MOB3B: variants seen among roughly 807,000 people sequenced by gnomAD.
The protein encoded by MOB3B is MOB kinase activator 3B.
Under a neutral mutation model 18.7 loss-of-function variants are expected in MOB3B, and 7 were observed. The ratio of observed to expected loss-of-function variants is 0.37; its 90% CI spans 0.21 to 0.70. MOB3B has a LOEUF of 0.70. MOB3B is among the 30% of genes least tolerant of loss of function. The probability of loss-of-function intolerance (pLI) is 0.52; values close to 1 mark genes in which losing one functional copy is unlikely to be tolerated. For missense variants in MOB3B, 253 were observed against 281.3 expected (o/e 0.90, Z 0.72); for synonymous variants, 111 against 99.9 (o/e 1.11, Z -0.66).
chr9:27,360,492 G>A (rs1821259410), intron 2 of MOB3B, among the ~76,000 whole-genome samples: 1 of 152,202 alleles, frequency 6.6e-6, no homozygotes, highest in Non-Finnish European at 1.5e-5. Context: ...GCGACAGAGT[G>A]AGACTCCGTC....
At chr9:27,373,974 G>A (rs1282537833) in intron 2 of MOB3B, among the ~76,000 whole-genome samples, 1 of 152,234 alleles carries the variant, frequency 6.6e-6, no homozygotes, top group Non-Finnish European at 1.5e-5. Flanking sequence ...GCCAATCACA[G>A]TAGCTGAACC....
chr9:27,524,700 G>T, intron 1 of MOB3B: 1 of 1,614,028 alleles, frequency 6.2e-7, no homozygotes, highest in Non-Finnish European at 8.5e-7. Flanking sequence ...TGATCAGCAA[G>T]CAGAGTACCT....
intron 1 of MOB3B, among the ~76,000 whole-genome samples, chr9:27,467,493 C>T (rs1819402971): frequency 6.6e-6 from 1 of 152,180 alleles, no homozygotes; most frequent in Non-Finnish European, 1.5e-5. Context: ...GACTTCTTCC[C>T]CACAAGACCT....
intron 2 of MOB3B, among the ~76,000 whole-genome samples, chr9:27,439,573 A>T (rs1328704689): frequency 6.6e-6 from 1 of 152,212 alleles, no homozygotes; most frequent in East Asian, 1.9e-4. Context: ...AAAGTAGCAA[A>T]GCCATGACTT....
chr9:27,326,206 A>T lies in MOB3B; in HGVS notation c.*4381T>A. ...ATGTTCACTGCTGGTCACAGCCATA[A>T]CAGAGAGTGATGTGGAGAGCTTTGG... On this transcript the variant is annotated 3_prime_UTR_variant, in exon 4 of 4. Coordinates refer to ENST00000262244, the MANE Select transcript of MOB3B (RefSeq NM_024761.5). The T allele has an allele frequency of 2.8e-6, 1 of 360,150 alleles. No homozygotes were observed. The highest frequency in any genetic ancestry group is 4.9e-6 in the Non-Finnish European group (1 of 202,482). The allele number at this position is 360,150 out of a possible 1,614,324, so 22.3% of individuals were successfully genotyped here.
At chr9:27,505,116 T>A (rs534675847) in intron 1 of MOB3B, among the ~76,000 whole-genome samples, 2 of 152,356 alleles carry the variant, frequency 1.3e-5, no homozygotes, top group East Asian at 3.9e-4. Flanking sequence ...TAAGATAACA[T>A]ATTCACAGGC....
chr9:27,356,727 G>A (rs1372761926), intron 3 of MOB3B, among the ~76,000 whole-genome samples: 1 of 152,068 alleles, frequency 6.6e-6, no homozygotes, highest in Non-Finnish European at 1.5e-5. Context: ...GAAGAGAACT[G>A]AACTGAAACC....
chr9:27,424,310 C>G, intron 2 of MOB3B, among the ~76,000 whole-genome samples: 1 of 152,118 alleles, frequency 6.6e-6, no homozygotes, highest in East Asian at 1.9e-4. Context: ...CCCAAACATC[C>G]CAATAACCAT....
At chr9:27,527,074 G>A (rs1261095284) in intron 1 of MOB3B, among the ~76,000 whole-genome samples, 1 of 152,072 alleles carries the variant, frequency 6.6e-6, no homozygotes. Context: ...TTCACCATTC[G>A]ATATTTTCTA....
At chr9:27,477,959 C>A (rs1819580859) in intron 1 of MOB3B, among the ~76,000 whole-genome samples, 1 of 152,076 alleles carries the variant, frequency 6.6e-6, no homozygotes, top group Non-Finnish European at 1.5e-5. Context: ...TACATAAAAA[C>A]AGGACTAGAA....
intron 3 of MOB3B, among the ~76,000 whole-genome samples, chr9:27,341,824 C>T (rs888559988): frequency 6.6e-6 from 1 of 152,126 alleles, no homozygotes; most frequent in Admixed American, 6.6e-5. Context: ...GAATTCAAAC[C>T]AGGATATCAT....
chr9:27,509,647 C>A (rs1001570437), intron 1 of MOB3B, among the ~76,000 whole-genome samples: 1 of 151,916 alleles, frequency 6.6e-6, no homozygotes, highest in African/African-American at 2.4e-5. Context: ...GAACTCCTGA[C>A]CTCAAGTGCT....
chr9:27,424,979 A>T (rs1822305628), intron 2 of MOB3B, among the ~76,000 whole-genome samples: 1 of 152,140 alleles, frequency 6.6e-6, no homozygotes, highest in Admixed American at 6.5e-5. Flanking sequence ...TATGCCTGTA[A>T]TCTTAGAAGT....
intron 2 of MOB3B, among the ~76,000 whole-genome samples, chr9:27,448,232 T>C (rs938127024): frequency 1.3e-5 from 2 of 152,336 alleles, no homozygotes; most frequent in Middle Eastern, 3.4e-3. Context: ...TTAATCCTTT[T>C]GAGTCTTAGT....
chr9:27,436,787 G>A (rs62541575), intron 2 of MOB3B, among the ~76,000 whole-genome samples: 26,798 of 151,810 alleles, frequency 0.18, 2,663 homozygotes, highest in Middle Eastern at 0.27. Context: ...GAAATTAGGC[G>A]GGTTATCTAA....
At chr9:27,411,277 ATT>A (rs768209542) in intron 2 of MOB3B, among the ~76,000 whole-genome samples, 3 of 152,164 alleles carry the variant, frequency 2.0e-5, no homozygotes, top group Non-Finnish European at 2.9e-5. Flanking sequence ...GAAGGGTACT[ATT>A]GCAGAGGAGG....
At chr9:27,523,038 A>C (rs1475413492) in intron 1 of MOB3B, among the ~76,000 whole-genome samples, 2 of 152,154 alleles carry the variant, frequency 1.3e-5, no homozygotes, top group African/African-American at 4.8e-5. Context: ...TTTTAAGCCA[A>C]CTTTTCAATC....
intron 1 of MOB3B, among the ~76,000 whole-genome samples, chr9:27,528,595 T>C (rs1820477046): frequency 6.6e-6 from 1 of 152,218 alleles, no homozygotes; most frequent in African/African-American, 2.4e-5. Context: ...CTGCCGGAGC[T>C]GGCGTGGGGG....
rs890827818 is a variant in MOB3B, at chr9:27,519,229, A to G, written c.-199+10326T>C. ...CTTCATTATCATCATTCAGTCACCCAACAAATAATTATTGAGCACCTACTA... is the reference window on the plus strand; with the variant it reads ...CTTCATTATCATCATTCAGTCACCCGACAAATAATTATTGAGCACCTACTA... On this transcript the variant is annotated intron_variant, in intron 1 of 3. Transcript: ENST00000262244. Among the ~76,000 whole-genome samples the G allele has an allele frequency of 1.2e-4, 19 of 152,312 alleles. No homozygotes were observed. The East Asian group carries it at 3.7e-3, about 29-fold the overall frequency.
Sources: allele counts gnomAD v4.1 joint callset (sites outside exome capture counted in the v4.1 genomes callset), GRCh38; gene constraint gnomAD v4.1.1; transcripts MANE v1.5; gene names NCBI Gene and HGNC (gene_info 2026-07-23, HGNC 2026-07-21).